The following LRRC4C variants were observed in gnomAD, a reference collection of about 807,000 sequenced individuals.
The protein encoded by LRRC4C is leucine rich repeat containing 4C, also known as leucine-rich repeat-containing protein 4C.
A neutral mutation model predicts 33.6 loss-of-function variants in LRRC4C; 5 were observed. That is an observed-to-expected ratio of 0.15 (90% CI 0.08 to 0.31). LRRC4C has a LOEUF of 0.31. Ranked by LOEUF, LRRC4C falls within the 10% of genes least tolerant of loss-of-function variation. The probability of loss-of-function intolerance (pLI) is 1.00; values close to 1 mark genes in which losing one functional copy is unlikely to be tolerated. For missense variants in LRRC4C, 560 were observed against 796.7 expected (o/e 0.70, Z 3.58); for synonymous variants, 329 against 302.0 (o/e 1.09, Z -0.93).
At chr11:41,459,083 G>A (rs555896034) in intron 1 of LRRC4C, among the ~76,000 whole-genome samples, 4 of 152,212 alleles carry the variant, frequency 2.6e-5, no homozygotes, top group African/African-American at 7.2e-5. Context: ...GCCTCTGCCA[G>A]TCGCTTTTCT....
At chr11:40,643,857 G>C (rs76896463) in intron 3 of LRRC4C, among the ~76,000 whole-genome samples, 4 of 152,046 alleles carry the variant, frequency 2.6e-5, no homozygotes, top group East Asian at 1.9e-4. Flanking sequence ...TCCCCTACTA[G>C]AGCAATATTG....
At chr11:40,585,273 C>A (rs1172022137) in intron 3 of LRRC4C, among the ~76,000 whole-genome samples, 1 of 152,118 alleles carries the variant, frequency 6.6e-6, no homozygotes, top group African/African-American at 2.4e-5. Context: ...GCTTCCTCTG[C>A]CCACCCTACA....
chr11:40,466,265 G>C (rs552812464), intron 3 of LRRC4C, among the ~76,000 whole-genome samples: 3 of 151,986 alleles, frequency 2.0e-5, no homozygotes, highest in Non-Finnish European at 4.4e-5. Flanking sequence ...AGTTACAAAT[G>C]TGGGAGAATG....
intron 2 of LRRC4C, among the ~76,000 whole-genome samples, chr11:40,927,000 T>A (rs1303449290): frequency 6.6e-6 from 1 of 152,170 alleles, no homozygotes. Flanking sequence ...TTGTAAAACA[T>A]AAAGCTAATC....
intron 2 of LRRC4C, among the ~76,000 whole-genome samples, chr11:40,897,917 C>T (rs1956022160): frequency 1.3e-5 from 2 of 152,166 alleles, no homozygotes; most frequent in Non-Finnish European, 2.9e-5. Flanking sequence ...GTTGCATGTG[C>T]ATGCCCAGGA....
chr11:40,329,737 C>CTTTTTTTTT (rs199598860), intron 3 of LRRC4C, among the ~76,000 whole-genome samples: 4 of 120,412 alleles, frequency 3.3e-5, no homozygotes, highest in African/African-American at 9.4e-5. Flanking sequence ...CTTTCTTTTT[C>CTTTTTTTTT]TTTTTTTTTT....
chr11:40,351,333 T>G lies in LRRC4C; in HGVS notation c.-269-31612A>C, dbSNP rs149912637. ...TTGTGGCCAAACATGTGTTCTATCC[T>G]TGAGAATAATCTGTGTGCTGAGGAG... On this transcript the variant is annotated intron_variant, in intron 3 of 6. Transcript: ENST00000528697. Among the ~76,000 whole-genome samples the G allele has an allele frequency of 4.6e-4, 70 of 152,160 alleles. 2 individuals are homozygous for G. The highest frequency in any genetic ancestry group is 1.6e-3 in the African/African-American group (66 of 41,554).
intron 3 of LRRC4C, among the ~76,000 whole-genome samples, chr11:40,371,229 T>A (rs59854034): frequency 6.6e-6 from 1 of 151,918 alleles, no homozygotes; most frequent in Non-Finnish European, 1.5e-5. Context: ...TTTGTGTCAT[T>A]AAAAAAAATA....
At chr11:40,488,405 G>A (rs192078312) in intron 3 of LRRC4C, among the ~76,000 whole-genome samples, 7 of 152,094 alleles carry the variant, frequency 4.6e-5, no homozygotes, top group East Asian at 1.9e-4. Flanking sequence ...CTCAGGTCAC[G>A]AGACAACACA....
At chr11:41,236,794 T>G (rs1338829503) in intron 1 of LRRC4C, among the ~76,000 whole-genome samples, 1 of 152,182 alleles carries the variant, frequency 6.6e-6, no homozygotes. Context: ...TATGACCTGA[T>G]TTAGAAGCAT....
chr11:40,457,126 A>C (rs576097415), intron 3 of LRRC4C, among the ~76,000 whole-genome samples: 6,125 of 151,306 alleles, frequency 0.04, 413 homozygotes, highest in African/African-American at 0.14. Context: ...GAAAAAAAAA[A>C]CAGTTACTTG....
chr11:40,604,401 C>T (rs1447469783), intron 3 of LRRC4C, among the ~76,000 whole-genome samples: 1 of 152,058 alleles, frequency 6.6e-6, no homozygotes, highest in Non-Finnish European at 1.5e-5. Flanking sequence ...CATTTCTTCT[C>T]TTATATCTCA....
chr11:41,321,231 A>T (rs1260915716), intron 1 of LRRC4C, among the ~76,000 whole-genome samples: 1 of 152,220 alleles, frequency 6.6e-6, no homozygotes, highest in South Asian at 2.1e-4. Flanking sequence ...AACAGGGGGC[A>T]GAGATCATAT....
chr11:40,666,424 C>A (rs1405755081), intron 2 of LRRC4C, among the ~76,000 whole-genome samples: 2 of 151,996 alleles, frequency 1.3e-5, no homozygotes, highest in Non-Finnish European at 2.9e-5. Context: ...AAGGAGGAGT[C>A]AGTTGTGTCT....
intron 1 of LRRC4C, among the ~76,000 whole-genome samples, chr11:41,065,095 C>CCGAGCCAGGGAGT (rs1011495999): frequency 1.4e-4 from 21 of 152,070 alleles, no homozygotes; most frequent in Non-Finnish European, 2.4e-4. Context: ...AGCCAGGGAG[C>CCGAGCCAGGGAGT]CAAGTGGTCT....
chr11:40,298,381 C>G (rs1944614413), intron 4 of LRRC4C, among the ~76,000 whole-genome samples: 1 of 150,950 alleles, frequency 6.6e-6, no homozygotes, highest in African/African-American at 2.4e-5. Flanking sequence ...GCTGAGTTAA[C>G]TGCTTGCTGA....
At chr11:41,030,418 C>A (rs1856649507) in intron 1 of LRRC4C, among the ~76,000 whole-genome samples, 2 of 151,762 alleles carry the variant, frequency 1.3e-5, no homozygotes, top group East Asian at 1.9e-4. Context: ...TGTATCATAA[C>A]CCTCAATGAC....
At chr11:40,944,834 G>C (rs2136637127) in intron 1 of LRRC4C, among the ~76,000 whole-genome samples, 1 of 152,194 alleles carries the variant, frequency 6.6e-6, no homozygotes, top group Middle Eastern at 3.4e-3. Flanking sequence ...AACAATATTT[G>C]ACATTTGGCT....
Position 41,455,992 on chromosome 11 carries a change from T to G in LRRC4C, c.-496+3439A>C, listed in dbSNP as rs557702870. Among the ~76,000 whole-genome samples the G allele has an allele frequency of 4.8e-3, 737 of 152,272 alleles. 7 individuals carry two copies. Among genetic ancestry groups the G allele is most frequent in the African/African-American group, 0.017 (713 of 41,546 alleles). On this transcript the variant is annotated intron_variant, in intron 1 of 6. Coordinates refer to ENST00000528697, the MANE Select transcript of LRRC4C (RefSeq NM_001258419.2). ...ATGCAGATAATTGAGTGAGTTGGCT[T>G]AATTTATTGCAAAGCCCCTGCTCTA... is the stretch of plus-strand genomic sequence containing the variant.
Sources: gnomAD v4.1 joint callset for allele counts (sites outside exome capture counted in the v4.1 genomes callset) on GRCh38, gnomAD v4.1.1 for gene constraint, MANE v1.5 for transcripts, NCBI Gene and HGNC (gene_info 2026-07-23, HGNC 2026-07-21) for gene names.